NOTCH2: variants seen among roughly 807,000 people sequenced by gnomAD.
The protein encoded by NOTCH2 is notch receptor 2.
A neutral mutation model predicts 235.8 loss-of-function variants in NOTCH2; 29 were observed. The observed-to-expected ratio is 0.12, with a 90% confidence interval of 0.09 to 0.17. The LOEUF is 0.17. NOTCH2 is among the 10% of genes least tolerant of loss of function. The probability of loss-of-function intolerance (pLI) is 1.00; values close to 1 mark genes in which losing one functional copy is unlikely to be tolerated. For synonymous variants in NOTCH2, 1,086 were observed against 1,141.5 expected (o/e 0.95, Z 0.98); for missense variants, 2,285 against 3,150.2 (o/e 0.73, Z 6.57).
chr1:119,918,573 A>C lies in NOTCH2; in HGVS notation c.5782-20T>G. ...CAGAATCTAGAAGAGGAGAAAGTAC[A>C]GAAAAGAGAGTCACCTGGATGAAGG... On this transcript the variant is annotated intron_variant, in intron 31 of 33. Transcript: ENST00000256646. The C allele has an allele frequency of 1.2e-6, 2 of 1,613,774 alleles. No individual in the cohort carries two copies. The highest frequency in any genetic ancestry group is 1.7e-6 in the Non-Finnish European group (2 of 1,179,742).
chr1:119,985,710 A>G (rs1318386048), intron 5 of NOTCH2, among the ~76,000 whole-genome samples: 4 of 152,326 alleles, frequency 2.6e-5, no homozygotes, highest in South Asian at 4.1e-4. Context: ...TCCAGTTACT[A>G]TATGTCATGT....
chr1:119,926,890 T>C (rs931476467), intron 23 of NOTCH2, among the ~76,000 whole-genome samples: 11 of 152,040 alleles, frequency 7.2e-5, no homozygotes, highest in Admixed American at 3.9e-4. Context: ...TTAAATCCCA[T>C]CAAAAAAAGA....
rs1189315342 is a variant in NOTCH2 at position 119,914,925 on chromosome 1, G to A, written c.*381C>T. 7.7e-6 allele frequency: 3 copies of A among 390,284 alleles called. No homozygotes were observed. The highest frequency in any genetic ancestry group is 8.6e-5 in the East Asian group (2 of 23,168). The allele number at this position is 390,284 out of a possible 1,614,324, so 24.2% of individuals were successfully genotyped here. On this transcript the variant is annotated 3_prime_UTR_variant, in exon 34 of 34. Transcript: ENST00000256646. ...TCCAGGGCATAATTCCCAACAGGACGCTAGTGTAGAATCTTCTCATGGATA... is the reference window on the plus strand; with the variant it reads ...TCCAGGGCATAATTCCCAACAGGACACTAGTGTAGAATCTTCTCATGGATA...
At chr1:119,936,999 C>T (rs940138381) in intron 21 of NOTCH2, among the ~76,000 whole-genome samples, 1 of 151,968 alleles carries the variant, frequency 6.6e-6, no homozygotes, top group Non-Finnish European at 1.5e-5. Flanking sequence ...GTTGGGTGGG[C>T]CTGTAAAATG....
intron 29 of NOTCH2, among the ~76,000 whole-genome samples, chr1:119,921,332 T>C (rs1184936455): frequency 6.6e-6 from 1 of 152,234 alleles, no homozygotes; most frequent in East Asian, 1.9e-4. Flanking sequence ...CAATGATAAC[T>C]GGCTTTCTTC....
chr1:119,968,197 T>C lies in NOTCH2; in HGVS notation c.1144A>G (p.Asn382Asp). The C allele has an allele frequency of 6.2e-7, 1 of 1,614,008 alleles. No homozygotes were observed. Among genetic ancestry groups the C allele is most frequent in the Non-Finnish European group, 8.5e-7 (1 of 1,179,938 alleles). Residue 382 changes from asparagine (N) to aspartate (D), a missense_variant, in exon 7 of 34, where the codon AAT (asparagine) becomes GAT (aspartate). Coordinates refer to ENST00000256646, the MANE Select transcript of NOTCH2 (RefSeq NM_024408.4). Reference sequence around the variant, plus strand: ...CACAGTGCCCCCTTGTGGCAAGGATTGCTGATGCATGCATCATCCAGATGA... The same window carrying C: ...CACAGTGCCCCCTTGTGGCAAGGATCGCTGATGCATGCATCATCCAGATGA... ...LCHLDDACIS[N>D]PCHKGALCDT...
At chr1:120,010,126 T>C (rs375801104) in intron 2 of NOTCH2, among the ~76,000 whole-genome samples, 33 of 151,176 alleles carry the variant, frequency 2.2e-4, no homozygotes, top group Admixed American at 1.8e-3. Flanking sequence ...CTTTAAGTTG[T>C]ATATAATTTA....
intron 5 of NOTCH2, among the ~76,000 whole-genome samples, chr1:119,975,954 G>T (rs1651565801): frequency 6.6e-6 from 1 of 151,884 alleles, no homozygotes; most frequent in African/African-American, 2.4e-5. Context: ...GAAGAGAAAG[G>T]AATTGAAAAA....
At chr1:119,962,421 A>G (rs955608338) in intron 11 of NOTCH2, among the ~76,000 whole-genome samples, 6 of 152,206 alleles carry the variant, frequency 3.9e-5, no homozygotes, top group African/African-American at 1.4e-4. Flanking sequence ...GTTTTCACAA[A>G]GATCTATTCA....
At chr1:119,978,532 C>T (rs1241114488) in intron 5 of NOTCH2, among the ~76,000 whole-genome samples, 1 of 152,174 alleles carries the variant, frequency 6.6e-6, no homozygotes, top group Non-Finnish European at 1.5e-5. Flanking sequence ...GCCACTATAG[C>T]AATGAGAAAT....
intron 20 of NOTCH2, among the ~76,000 whole-genome samples, 172 bp from the exon 21 acceptor site, chr1:119,937,638 AAT>A (rs1394970349): frequency 1.3e-5 from 2 of 152,206 alleles, no homozygotes; most frequent in Non-Finnish European, 2.9e-5. Context: ...CTGAAAGTGG[AAT>A]ATACCTTAGT....
At chr1:120,037,636 A>G (rs1402543839) in intron 1 of NOTCH2, among the ~76,000 whole-genome samples, 2 of 152,032 alleles carry the variant, frequency 1.3e-5, no homozygotes, top group East Asian at 1.9e-4. Flanking sequence ...GTGGAGAAAC[A>G]TCTGTCTTCC....
chr1:119,948,673 A>C (rs1650348010), intron 16 of NOTCH2, 107 bp from the exon 17 acceptor site: 1 of 1,331,386 alleles, frequency 7.5e-7, no homozygotes, highest in South Asian at 1.2e-5. Context: ...TTCCACAGAC[A>C]AACTGGTTGG....
intron 23 of NOTCH2, among the ~76,000 whole-genome samples, chr1:119,927,989 T>C (rs771483907): frequency 2.6e-4 from 40 of 152,318 alleles, no homozygotes; most frequent in South Asian, 1.7e-3. Context: ...AAACAGACTA[T>C]TAAAGCCTAT....
intron 1 of NOTCH2, among the ~76,000 whole-genome samples, chr1:120,043,145 G>A (rs1489273650): frequency 6.6e-6 from 1 of 151,138 alleles, no homozygotes; most frequent in African/African-American, 2.5e-5. Context: ...TAACATCTCA[G>A]CTTCTAATAG....
intron 12 of NOTCH2, among the ~76,000 whole-genome samples, chr1:119,957,880 ACAC>A (rs1251791922): frequency 5.3e-4 from 78 of 147,022 alleles, no homozygotes; most frequent in African/African-American, 1.2e-3. Flanking sequence ...ACACACACAC[ACAC>A]AACAGGCCCC....
At chr1:120,063,384 C>T (rs868919036) in intron 1 of NOTCH2, among the ~76,000 whole-genome samples, 20 of 151,368 alleles carry the variant, frequency 1.3e-4, no homozygotes, top group African/African-American at 2.2e-4. Flanking sequence ...CCATTTGCAA[C>T]GGCTGAGGAC....
chr1:120,025,705 A>T (rs61788888), intron 2 of NOTCH2, among the ~76,000 whole-genome samples: 18 of 103,280 alleles, frequency 1.7e-4, no homozygotes, highest in African/African-American at 5.7e-4. Context: ...GACAACCCAG[A>T]TGTTAAGAAC....
intron 5 of NOTCH2, among the ~76,000 whole-genome samples, chr1:119,980,865 T>C (rs1302496835): frequency 1.3e-5 from 2 of 152,188 alleles, no homozygotes; most frequent in Non-Finnish European, 2.9e-5. Flanking sequence ...GGCTGTACCC[T>C]TTAACTTGAG....
Sources: gnomAD v4.1 joint callset for allele counts (sites outside exome capture counted in the v4.1 genomes callset) on GRCh38, gnomAD v4.1.1 for gene constraint, MANE v1.5 for transcripts, NCBI Gene and HGNC (gene_info 2026-07-23, HGNC 2026-07-21) for gene names.